AP3B1: variants seen among roughly 807,000 people sequenced by gnomAD.
AP3B1 encodes AP-3 complex subunit beta-1.
Under a neutral mutation model 132.5 loss-of-function variants are expected in AP3B1, and 61 were observed. That is an observed-to-expected ratio of 0.46 (90% CI 0.37 to 0.57). AP3B1 has a LOEUF of 0.57. Among genes scored for constraint, AP3B1 ranks in the 20% least tolerant of loss-of-function variants. The pLI is 0.00. For synonymous variants in AP3B1, 388 were observed against 438.3 expected (o/e 0.89, Z 1.43); for missense variants, 1,120 against 1,289.4 (o/e 0.87, Z 2.01).
intron 21 of AP3B1, among the ~76,000 whole-genome samples, chr5:78,096,836 A>AGGGG (rs1324995985): frequency 1.4e-5 from 2 of 145,916 alleles, no homozygotes; most frequent in Admixed American, 6.7e-5. Flanking sequence ...TCCGGGAGGG[A>AGGGG]GGGGGGGCTC....
intron 15 of AP3B1, among the ~76,000 whole-genome samples, chr5:78,130,722 T>A (rs76002775): frequency 5.3e-4 from 80 of 152,124 alleles, no homozygotes; most frequent in African/African-American, 1.9e-3. Context: ...ATTAATTTGC[T>A]GGAAAAACCT....
intron 17 of AP3B1, among the ~76,000 whole-genome samples, chr5:78,116,799 T>C (rs1294906703): frequency 6.6e-6 from 1 of 152,122 alleles, no homozygotes; most frequent in East Asian, 1.9e-4. Flanking sequence ...GACTACTCGT[T>C]ACCTTGCTTC....
chr5:78,254,584 T>C (rs1747777861), intron 2 of AP3B1, among the ~76,000 whole-genome samples: 1 of 152,158 alleles, frequency 6.6e-6, no homozygotes, highest in South Asian at 2.1e-4. Flanking sequence ...AACTTTCACC[T>C]CAGAATAGTA....
At chr5:78,255,629 C>A (rs563730182) in intron 2 of AP3B1, among the ~76,000 whole-genome samples, 1 of 152,140 alleles carries the variant, frequency 6.6e-6, no homozygotes, top group African/African-American at 2.4e-5. Flanking sequence ...GAGAGACAGG[C>A]CCAAATGCAA....
chr5:78,062,116 A>G (rs1749084806), intron 22 of AP3B1, among the ~76,000 whole-genome samples: 2 of 152,240 alleles, frequency 1.3e-5, no homozygotes, highest in Non-Finnish European at 2.9e-5. Context: ...GTTTAGCTTT[A>G]TAATTTTTGA....
At chr5:78,013,525 T>G (rs2112049311) in intron 26 of AP3B1, among the ~76,000 whole-genome samples, 1 of 152,302 alleles carries the variant, frequency 6.6e-6, no homozygotes, top group Non-Finnish European at 1.5e-5. Context: ...ATACTAGGTG[T>G]TTCAGGTAAA....
chr5:78,293,211 G>A (rs1421628096), intron 1 of AP3B1, among the ~76,000 whole-genome samples: 3 of 152,134 alleles, frequency 2.0e-5, no homozygotes, highest in Non-Finnish European at 2.9e-5. Context: ...AGAAAACATC[G>A]TAGATGTTCA....
chr5:78,132,504 C>T (rs1403664596), intron 15 of AP3B1, among the ~76,000 whole-genome samples: 1 of 152,076 alleles, frequency 6.6e-6, no homozygotes, highest in Non-Finnish European at 1.5e-5. Flanking sequence ...CTAATGGAGC[C>T]ACCACATTAA....
intron 7 of AP3B1, among the ~76,000 whole-genome samples, chr5:78,195,662 A>G (rs1024466632): frequency 2.4e-4 from 36 of 152,170 alleles, no homozygotes; most frequent in African/African-American, 8.4e-4. Flanking sequence ...TAATAAAAAT[A>G]CAAAAAAATT....
intron 1 of AP3B1, among the ~76,000 whole-genome samples, chr5:78,272,720 G>A (rs919696948): frequency 6.6e-6 from 1 of 152,202 alleles, no homozygotes; most frequent in Non-Finnish European, 1.5e-5. Context: ...AATTTTAAAA[G>A]TGACATCTGA....
At chr5:78,097,983 C>A (rs1014732265) in intron 21 of AP3B1, among the ~76,000 whole-genome samples, 5 of 152,168 alleles carry the variant, frequency 3.3e-5, no homozygotes, top group African/African-American at 1.2e-4. Context: ...ACCTTACCCC[C>A]CAACCCTGTG....
intron 22 of AP3B1, chr5:78,043,784 T>C: frequency 2.7e-6 from 1 of 369,328 alleles, no homozygotes; most frequent in Non-Finnish European, 5.4e-6. Flanking sequence ...ATCATGGAGA[T>C]ATCTACACTA....
At chr5:78,131,149 T>A (rs1287434277) in intron 15 of AP3B1, among the ~76,000 whole-genome samples, 1 of 151,918 alleles carries the variant, frequency 6.6e-6, no homozygotes, top group Non-Finnish European at 1.5e-5. Flanking sequence ...ATAAGCAGAA[T>A]AGTTATTCAC....
At chr5:78,168,766 T>C (rs940226625) in intron 11 of AP3B1, among the ~76,000 whole-genome samples, 2 of 152,228 alleles carry the variant, frequency 1.3e-5, no homozygotes, top group African/African-American at 4.8e-5. Context: ...ACTATGCACG[T>C]AAGTTTCAAT....
At chr5:78,113,619 A>C in intron 19 of AP3B1, 133 bp downstream of exon 19, 1 of 999,908 alleles carries the variant, frequency 1.0e-6, no homozygotes, top group Non-Finnish European at 1.5e-6. Flanking sequence ...CTTTAATTTT[A>C]AAAAGATTTA....
intron 20 of AP3B1, 44 bp downstream of exon 20, chr5:78,110,163 T>A (rs772164066): frequency 5.2e-6 from 8 of 1,544,384 alleles, no homozygotes; most frequent in Admixed American, 1.8e-5. Flanking sequence ...TTAGTTGCTA[T>A]AAGAATATTT....
chr5:78,006,415 G>A (rs963831945), intron 26 of AP3B1, among the ~76,000 whole-genome samples: 2 of 152,190 alleles, frequency 1.3e-5, no homozygotes, highest in African/African-American at 4.8e-5. Context: ...AGAAGGAAGA[G>A]TCCTCTCTTC....
Position 78,162,881 on chromosome 5 carries a change from T to G in AP3B1, c.1301A>C (p.Asn434Thr), listed in dbSNP as rs1289085829. 1.2e-6 allele frequency: 2 copies of G among 1,613,970 alleles called. No homozygotes were observed. The highest frequency in any genetic ancestry group is 3.3e-5 in the Admixed American group (2 of 60,026). Residue 434 changes from asparagine (N) to threonine (T), a missense_variant, in exon 13 of 27, where the codon AAC (asparagine) becomes ACC (threonine). Transcript: ENST00000255194. ...GCACGTGTCAGTGACTTCCAAGATG[T>G]TGGTTGCACATCTGCCTATAGTCTG... ...TIQTIGRCATNILEVTDTCLN... is the reference protein window; with the variant it reads ...TIQTIGRCATTILEVTDTCLN...
intron 7 of AP3B1, among the ~76,000 whole-genome samples, chr5:78,183,638 G>A (rs1461767241): frequency 6.6e-6 from 1 of 152,204 alleles, no homozygotes; most frequent in Non-Finnish European, 1.5e-5. Flanking sequence ...GGGAGGCCGA[G>A]GTGGGCAGAT....
Sources: gnomAD v4.1 joint callset for allele counts (sites outside exome capture counted in the v4.1 genomes callset) on GRCh38, gnomAD v4.1.1 for gene constraint, MANE v1.5 for transcripts, NCBI Gene and HGNC (gene_info 2026-07-23, HGNC 2026-07-21) for gene names.